F2R: variants seen among roughly 807,000 people sequenced by gnomAD.
F2R encodes coagulation factor II thrombin receptor, also known as proteinase-activated receptor 1.
A neutral mutation model predicts 18.3 loss-of-function variants in F2R; 12 were observed. The ratio of observed to expected loss-of-function variants is 0.66; its 90% confidence interval spans 0.42 to 1.06. The LOEUF (loss-of-function observed/expected upper bound fraction) is 1.06. Ranked by LOEUF, F2R falls within the 50% of genes least tolerant of loss-of-function variation. The probability of loss-of-function intolerance (pLI) is 0.00; values close to 1 mark genes in which losing one functional copy is unlikely to be tolerated. For missense variants in F2R, 438 were observed against 530.8 expected (o/e 0.83, Z 1.72); for synonymous variants, 210 against 219.9 (o/e 0.95, Z 0.40).
chr5:76,732,164 A>G (rs1748678858), intron 1 of F2R, 150 bp from the exon 2 acceptor site: 1 of 617,940 alleles, frequency 1.6e-6, no homozygotes, highest in Admixed American at 3.1e-5. Context: ...ATTCTCTAAT[A>G]AAGTCTATTT....
chr5:76,721,399 A>G (rs540622515), intron 1 of F2R, among the ~76,000 whole-genome samples: 42 of 152,282 alleles, frequency 2.8e-4, no homozygotes, highest in African/African-American at 9.1e-4. Context: ...TTCCCCAGAT[A>G]CCGTCTCCCA....
intron 1 of F2R, among the ~76,000 whole-genome samples, chr5:76,729,423 T>G (rs1391169244): frequency 6.6e-6 from 1 of 152,238 alleles, no homozygotes; most frequent in African/African-American, 2.4e-5. Context: ...ATCAGACGTA[T>G]GGTTTGCAAA....
chr5:76,724,351 G>A (rs572597178), intron 1 of F2R, among the ~76,000 whole-genome samples: 14 of 152,308 alleles, frequency 9.2e-5, no homozygotes, highest in South Asian at 2.1e-4. Flanking sequence ...CATTACAGGC[G>A]TGAGCCACCG....
intron 1 of F2R, among the ~76,000 whole-genome samples, chr5:76,728,438 C>T (rs896313441): frequency 6.6e-6 from 1 of 152,138 alleles, no homozygotes; most frequent in Non-Finnish European, 1.5e-5. Flanking sequence ...TAAGTGAAAT[C>T]ATGCTATATT....
intron 1 of F2R, among the ~76,000 whole-genome samples, chr5:76,725,700 G>A (rs956414234): frequency 2.6e-5 from 4 of 151,790 alleles, no homozygotes; most frequent in African/African-American, 9.7e-5. Context: ...ATCAAGAAAA[G>A]GTAACACCTT....
chr5:76,731,473 CAGAAAAAAAA>C, intron 1 of F2R, among the ~76,000 whole-genome samples: 1 of 147,698 alleles, frequency 6.8e-6, no homozygotes, highest in Non-Finnish European at 1.5e-5. Context: ...GACTGTGTCT[CAGAAAAAAAA>C]AGAAAGAAAA....
At chr5:76,717,110 G>T (rs2227749) in intron 1 of F2R, among the ~76,000 whole-genome samples, 2,289 of 152,296 alleles carry the variant, frequency 0.015, 53 homozygotes, top group Admixed American at 0.05. Flanking sequence ...GAACACTGTG[G>T]GATCCCAGTA....
Position 76,716,539 on chromosome 5 carries a change from T to C in F2R, c.88+144T>C. ...ATTTGGGCTGAGATCTGGAGTTTTT[T>C]CCAGTCACGTTTAGGTGGGGCGTGC... On this transcript the variant is annotated intron_variant, in intron 1 of 1. Coordinates refer to ENST00000319211, the MANE Select transcript of F2R (RefSeq NM_001992.5). 7 of 777,222 alleles carry C rather than the reference T, an allele frequency of 9.0e-6. 1 individual carries two copies. In the South Asian group the frequency reaches 1.3e-4, roughly 15 times the overall value. 48.1% of individuals were successfully genotyped at this position (777,222 alleles called of 1,614,324 possible). A position where few individuals can be genotyped will look rare whatever the true frequency, so the allele number is the denominator to read the frequency against.
chr5:76,724,170 C>G (rs1431221365), intron 1 of F2R, among the ~76,000 whole-genome samples: 1 of 152,142 alleles, frequency 6.6e-6, no homozygotes, highest in Non-Finnish European at 1.5e-5. Flanking sequence ...TGGGCTCAAG[C>G]AATCCTCCTG....
intron 1 of F2R, among the ~76,000 whole-genome samples, chr5:76,726,480 G>C (rs1242354963): frequency 6.6e-6 from 1 of 151,662 alleles, no homozygotes; most frequent in African/African-American, 2.4e-5. Flanking sequence ...GCAGTGAGCC[G>C]AGATAGAGAT....
rs888851574 is a variant in F2R, at chr5:76,735,426, A to G, written c.*1923A>G. 14 of 152,230 alleles carry G rather than the reference A, an allele frequency of 9.2e-5. No homozygotes were observed. Among genetic ancestry groups the G allele is most frequent in the African/African-American group, 3.1e-4 (13 of 41,458 alleles). The allele number at this position is 152,230 out of a possible 1,614,324, so 9.4% of individuals were successfully genotyped here. On this transcript the variant is annotated 3_prime_UTR_variant, in exon 2 of 2. Coordinates refer to ENST00000319211, the MANE Select transcript of F2R (RefSeq NM_001992.5). The stretch of plus-strand genomic sequence containing the variant: ...GAGGCGGACCTTGTAGTGAGCCGAG[A>G]TCGCGCCACTGTGCTCCAGCCTGGG...
rs113055689 is a variant in F2R at position 76,722,527 on chromosome 5, C to A, written c.88+6132C>A. ...TACACCTGCGTTTACTTTCCTGCAACTTCCCTTCTCCCAGCTTCCTCTTAG... is the reference window on the plus strand; with the variant it reads ...TACACCTGCGTTTACTTTCCTGCAAATTCCCTTCTCCCAGCTTCCTCTTAG... On this transcript the variant is annotated intron_variant, in intron 1 of 1. Transcript: ENST00000319211. Among the ~76,000 whole-genome samples, 13 of 152,358 alleles carry A rather than the reference C, an allele frequency of 8.5e-5. 1 individual carries two copies. The highest frequency in any genetic ancestry group is 3.1e-4 in the African/African-American group (13 of 41,582).
chr5:76,716,228 A>G lies in F2R; in HGVS notation c.-80A>G. ...CGCGAAGACCGGCTCCCCGACCCGC[A>G]GAAGTCAGGAGAGAGGGTGAAGCGG... On this transcript the variant is annotated 5_prime_UTR_variant, in exon 1 of 2. Coordinates refer to ENST00000319211, the MANE Select transcript of F2R (RefSeq NM_001992.5). 1 of 1,139,290 alleles carries G rather than the reference A, an allele frequency of 8.8e-7. No individual in the cohort carries two copies. Among genetic ancestry groups the G allele is most frequent in the Non-Finnish European group, 1.1e-6 (1 of 883,152 alleles). The allele number at this position is 1,139,290 out of a possible 1,614,324, so 70.6% of individuals were successfully genotyped here.
rs748320077 is a variant in F2R at position 76,732,937 on chromosome 5, C to G, written c.712C>G (p.Leu238Val). ...ALAIAGVVPL[L>V]LKEQTIQVPG... ...GGCCATCGCAGGGGTAGTGCCTCTG[C>G]TCCTCAAGGAGCAAACCATCCAGGT... The change falls in exon 2 of 2, where the codon CTC becomes GTC. Residue 238 changes from leucine (L) to valine (V), a missense_variant. Physicochemically the swap from Leu to Val is conservative, Grantham distance 32. Coordinates refer to ENST00000319211, the MANE Select transcript of F2R (RefSeq NM_001992.5). 6.2e-7 allele frequency: 1 copy of G among 1,614,204 alleles called. No individual in the cohort carries two copies. The highest frequency in any genetic ancestry group is 1.1e-5 in the South Asian group (1 of 91,084).
chr5:76,726,400 A>G (rs1748553717), intron 1 of F2R, among the ~76,000 whole-genome samples: 2 of 152,054 alleles, frequency 1.3e-5, no homozygotes, highest in South Asian at 4.1e-4. Context: ...GCGCGGTGGC[A>G]GGCACCTGTA....
intron 1 of F2R, among the ~76,000 whole-genome samples, chr5:76,731,575 G>C (rs1748670132): frequency 6.6e-6 from 1 of 151,256 alleles, no homozygotes; most frequent in Non-Finnish European, 1.5e-5. Context: ...TGTCGCCCAG[G>C]TTGGAGTGCA....
chr5:76,733,396 A>C lies in F2R; in HGVS notation c.1171A>C (p.Ser391Arg). The change falls in exon 2 of 2, where the codon AGT becomes CGT. Residue 391 changes from serine (S) to arginine (R), a missense_variant. By Grantham distance (110) the Ser-to-Arg change is moderately radical. Transcript: ENST00000319211. ...YVYSILCCKE[S>R]SDPSSYNSSG... ...CTACAGTATCTTATGCTGCAAAGAA[A>C]GTTCCGATCCCAGCAGTTATAACAG... is the stretch of plus-strand genomic sequence containing the variant. The C allele has an allele frequency of 1.2e-6, 2 of 1,614,244 alleles. No homozygotes were observed. Among genetic ancestry groups the C allele is most frequent in the Non-Finnish European group, 1.7e-6 (2 of 1,180,050 alleles).
chr5:76,727,450 G>C (rs1378836746), intron 1 of F2R, among the ~76,000 whole-genome samples: 2 of 152,158 alleles, frequency 1.3e-5, no homozygotes, highest in African/African-American at 4.8e-5. Context: ...TACCCTTAAG[G>C]ATCAATGTAG....
intron 1 of F2R, among the ~76,000 whole-genome samples, chr5:76,720,818 GT>G (rs1748436006): frequency 6.6e-6 from 1 of 151,986 alleles, no homozygotes; most frequent in Non-Finnish European, 1.5e-5. Context: ...TGTTGTTGCT[GT>G]TTTTTTGAGA....
Sources: allele counts gnomAD v4.1 joint callset (sites outside exome capture counted in the v4.1 genomes callset), GRCh38; gene constraint gnomAD v4.1.1; transcripts MANE v1.5; gene names NCBI Gene and HGNC (gene_info 2026-07-23, HGNC 2026-07-21).